THRA: variants seen among roughly 807,000 people sequenced by gnomAD.
THRA encodes the protein thyroid hormone receptor alpha, also known as EAR-7.
A neutral mutation model predicts 45.0 loss-of-function variants in THRA; 13 were observed. The observed-to-expected ratio is 0.29, with a 90% CI of 0.19 to 0.46. THRA has a LOEUF of 0.46. THRA is among the 20% of genes least tolerant of loss of function. THRA has a pLI of 1.00. For missense variants in THRA, 278 were observed against 556.1 expected, an observed-to-expected ratio of 0.50 and a Z score of 5.03; for synonymous variants, 195 against 214.0, an observed-to-expected ratio of 0.91 and a Z score of 0.78.
intron 1 of THRA, among the ~76,000 whole-genome samples, chr17:40,070,047 TTAAG>T (rs970278238): frequency 2.0e-5 from 3 of 151,922 alleles, no homozygotes; most frequent in African/African-American, 7.3e-5. Flanking sequence ...GATCCTTTGT[TTAAG>T]TAACCAATCT....
At chr17:40,075,587 G>A (rs1986923740) in intron 2 of THRA, among the ~76,000 whole-genome samples, 1 of 152,222 alleles carries the variant, frequency 6.6e-6, no homozygotes, top group Admixed American at 6.5e-5. Flanking sequence ...TGTGGGTCTG[G>A]AAGAGTCTGT....
rs1987494673 is a variant in THRA, at chr17:40,090,568, G to T, written c.*1112G>T. The T allele has an allele frequency of 6.6e-6, 1 of 152,308 alleles. No individual in the cohort carries two copies. Among genetic ancestry groups the T allele is most frequent in the South Asian group, 2.1e-4 (1 of 4,840 alleles). 9.4% of individuals were successfully genotyped at this position (152,308 alleles called of 1,614,324 possible). A position where few individuals can be genotyped will look rare whatever the true frequency, so the allele number is the denominator to read the frequency against. On this transcript the variant is annotated 3_prime_UTR_variant, in exon 9 of 9. Transcript: ENST00000450525. ...TGCTGCTGCATTGGTTGGGTCGGGG[G>T]TAGGAGGGCTGTGCGTGAGCGTCTC...
At chr17:40,069,816 C>T (rs1324007542) in intron 1 of THRA, among the ~76,000 whole-genome samples, 1 of 152,014 alleles carries the variant, frequency 6.6e-6, no homozygotes, top group East Asian at 1.9e-4. Context: ...AGGAGACCTC[C>T]AGACCTGGGC....
intron 1 of THRA, among the ~76,000 whole-genome samples, chr17:40,063,317 C>T (rs1986427517): frequency 6.6e-6 from 1 of 152,134 alleles, no homozygotes; most frequent in Non-Finnish European, 1.5e-5. Flanking sequence ...CGCTGGGCCC[C>T]GGGGTTCGCA....
intron 5 of THRA, 80 bp from the exon 6 acceptor site, chr17:40,084,530 A>G (rs879119086): frequency 6.6e-7 from 1 of 1,504,576 alleles, no homozygotes; most frequent in Admixed American, 1.8e-5. Flanking sequence ...CCTGTACTCT[A>G]GGAAGAGTAG....
At chr17:40,084,072 A>G in intron 5 of THRA, 90 bp downstream of exon 5, 1 of 1,458,680 alleles carries the variant, frequency 6.9e-7, no homozygotes, top group Non-Finnish European at 9.2e-7. Flanking sequence ...GTACCCTCAG[A>G]GCCCACAGGG....
At chr17:40,082,988 C>T (rs1321228203) in intron 4 of THRA, among the ~76,000 whole-genome samples, 7 of 149,282 alleles carry the variant, frequency 4.7e-5, no homozygotes, top group Non-Finnish European at 1.0e-4. Context: ...AGTGCAGTGG[C>T]GCGATCTTGG....
chr17:40,079,534 ACTTTGATCATTTCAGCCTGGATAG>A (rs1163078458), intron 4 of THRA, among the ~76,000 whole-genome samples: 1 of 152,054 alleles, frequency 6.6e-6, no homozygotes, highest in Non-Finnish European at 1.5e-5. Flanking sequence ...ATTAGATTTC[ACTTTGATCATTTCAGCCTGGATAG>A]CCTTTCCAGG....
chr17:40,064,467 A>G (rs1986480928), intron 1 of THRA, among the ~76,000 whole-genome samples: 1 of 152,224 alleles, frequency 6.6e-6, no homozygotes, highest in Non-Finnish European at 1.5e-5. Context: ...ACTCAGTCAG[A>G]TGCAAACACA....
intron 1 of THRA, among the ~76,000 whole-genome samples, chr17:40,065,875 C>T (rs1986541913): frequency 6.6e-6 from 1 of 152,184 alleles, no homozygotes; most frequent in East Asian, 1.9e-4. Flanking sequence ...AGCCAGCTAG[C>T]AGCTCTTAAA....
chr17:40,086,457 A>C (rs1567654727), intron 6 of THRA, among the ~76,000 whole-genome samples: 2 of 152,170 alleles, frequency 1.3e-5, no homozygotes, highest in African/African-American at 4.8e-5. Context: ...CTGATGCCTG[A>C]TCATATATTA....
In THRA at chr17:40,089,071, TCTCCC is replaced by T. The variant is rs528410760; in HGVS notation, c.983-123_983-119del. ...CTGTCCACGTCTCTCAGGGGGAGCT[TCTCCC>T]CTCCCCTCCCCCAGCCTCTCTGCCT... On this transcript the variant is annotated intron_variant, in intron 8 of 8. Transcript: ENST00000450525. The surrounding 1 kb of genome is among the most constrained non-coding windows in gnomAD (Gnocchi z 6.1). 3 of 668,924 alleles carry T rather than the reference TCTCCC, an allele frequency of 4.5e-6. No homozygotes were observed. The highest frequency in any genetic ancestry group is 3.9e-5 in the African/African-American group (2 of 51,202). 41.4% of individuals were successfully genotyped at this position (668,924 alleles called of 1,614,324 possible). A position where few individuals can be genotyped will look rare whatever the true frequency, so the allele number is the denominator to read the frequency against.
chr17:40,079,417 G>T (rs1057116708), intron 4 of THRA, among the ~76,000 whole-genome samples: 1 of 152,010 alleles, frequency 6.6e-6, no homozygotes, highest in Non-Finnish European at 1.5e-5. Flanking sequence ...GCTAATTTTT[G>T]TATTTTTAGT....
At chr17:40,067,401 C>G (rs1451667159) in intron 1 of THRA, among the ~76,000 whole-genome samples, 1 of 152,244 alleles carries the variant, frequency 6.6e-6, no homozygotes, top group East Asian at 1.9e-4. Flanking sequence ...CCCTTCCTCC[C>G]TCCTGGGAGC....
chr17:40,071,787 G>A (rs1986786138), intron 1 of THRA, among the ~76,000 whole-genome samples: 1 of 152,186 alleles, frequency 6.6e-6, no homozygotes, highest in African/African-American at 2.4e-5. Context: ...GGCTCATGTG[G>A]TATGTGTCTC....
rs537931540 is a variant in THRA, at chr17:40,074,414, G to A, written c.-75G>A. On this transcript the variant is annotated 5_prime_UTR_variant, in exon 2 of 9. In the 5' UTR this introduces an upstream ATG that the reference lacks. Transcript: ENST00000450525. Reference sequence around the variant, plus strand: ...GTGGCAGGGGGTGGGTGGCCTGTGGGTGTGCCGGGGGGGCCAGTGTGCCCA... The same window carrying A: ...GTGGCAGGGGGTGGGTGGCCTGTGGATGTGCCGGGGGGGCCAGTGTGCCCA... 2 of 1,561,020 alleles carry A rather than the reference G, an allele frequency of 1.3e-6. No homozygotes were observed. The highest frequency in any genetic ancestry group is 2.2e-5 in the East Asian group (1 of 44,464).
At chr17:40,078,599 C>T (rs1245068816) in intron 4 of THRA, among the ~76,000 whole-genome samples, 1 of 152,144 alleles carries the variant, frequency 6.6e-6, no homozygotes, top group Non-Finnish European at 1.5e-5. Context: ...TAGTACGTAC[C>T]TCGCCTTCAA....
rs1198306771 is a variant in THRA at position 40,088,457 on chromosome 17, C to T, written c.939C>T (p.Asp313=). The T allele has an allele frequency of 5.0e-6, 8 of 1,613,900 alleles. No individual in the cohort carries two copies. The highest frequency in any genetic ancestry group is 4.5e-5 in the East Asian group (2 of 44,892). ...GKSLSAFNLD[D]TEVALLQAVL... ...CACTCTCTGCCTTTAACCTGGATGA[C>T]ACGGAAGTGGCTCTGCTGCAGGCTG... The change falls in exon 8 of 9, where the codon GAC becomes GAT. Residue 313 remains aspartate (D), a synonymous_variant. Transcript: ENST00000450525.
chr17:40,088,555 G>T (rs1280619083), intron 8 of THRA, 55 bp downstream of exon 8: 11 of 1,561,054 alleles, frequency 7.0e-6, no homozygotes, highest in South Asian at 2.4e-5. Flanking sequence ...CCAGAGATTG[G>T]CTGGACCCTG....
Sources: gnomAD v4.1 joint callset for allele counts (sites outside exome capture counted in the v4.1 genomes callset) on GRCh38, gnomAD v4.1.1 for gene constraint, Gnocchi (gnomAD v3.1) non-coding constraint, MANE v1.5 for transcripts, NCBI Gene and HGNC (gene_info 2026-07-23, HGNC 2026-07-21) for gene names.